The following GRB2 variants were observed in gnomAD, a reference collection of about 807,000 sequenced individuals.
GRB2 encodes growth factor receptor-bound protein 2.
GRB2 carries 2 observed loss-of-function variants against 27.4 expected under a neutral mutation model. That is an observed-to-expected ratio of 0.07 (90% CI 0.03 to 0.23). GRB2 has a LOEUF of 0.23. GRB2 is among the 10% of genes least tolerant of loss of function. The pLI, the probability that GRB2 is intolerant of heterozygous loss-of-function variation, is 1.00. For missense variants in GRB2, 102 were observed against 282.4 expected, an observed-to-expected ratio of 0.36 and a Z score of 4.58; for synonymous variants, 94 against 99.6, an observed-to-expected ratio of 0.94 and a Z score of 0.33.
intron 1 of GRB2, among the ~76,000 whole-genome samples, chr17:75,402,671 T>C (rs2079071034): frequency 6.6e-6 from 1 of 152,196 alleles, no homozygotes; most frequent in Non-Finnish European, 1.5e-5. Context: ...CTCCCAGTGA[T>C]TTTTATGGAT....
chr17:75,377,148 A>T (rs1827391728), intron 2 of GRB2, among the ~76,000 whole-genome samples: 1 of 151,884 alleles, frequency 6.6e-6, no homozygotes, highest in Non-Finnish European at 1.5e-5. Context: ...AAAAAAAAAT[A>T]TTAAAAGTTA....
chr17:75,402,999 C>T (rs2079073090), intron 1 of GRB2, among the ~76,000 whole-genome samples: 2 of 129,464 alleles, frequency 1.5e-5, no homozygotes, highest in African/African-American at 5.8e-5. Flanking sequence ...TGCCCGAACC[C>T]AGGAGGTGGA....
chr17:75,365,278 A>AG (rs2078811875), intron 2 of GRB2, among the ~76,000 whole-genome samples: 1 of 152,148 alleles, frequency 6.6e-6, no homozygotes, highest in African/African-American at 2.4e-5. Flanking sequence ...TAGATCTCCT[A>AG]CGGTTAACTT....
intron 2 of GRB2, among the ~76,000 whole-genome samples, chr17:75,340,535 C>A (rs1446920034): frequency 1.3e-5 from 2 of 152,172 alleles, no homozygotes; most frequent in Non-Finnish European, 2.9e-5. Flanking sequence ...TGCATGCATG[C>A]TTTTAAAAGA....
intron 1 of GRB2, among the ~76,000 whole-genome samples, chr17:75,399,255 G>C (rs1271011796): frequency 2.0e-5 from 3 of 150,870 alleles, no homozygotes; most frequent in African/African-American, 7.3e-5. Context: ...GACTCACCAT[G>C]TTGCCCAAGC....
Position 75,318,726 on chromosome 17 carries a change from C to T in GRB2, c.*1642G>A, listed in dbSNP as rs2078433951. 6.6e-6 allele frequency: 1 copy of T among 152,170 alleles called. No homozygotes were observed. The highest frequency in any genetic ancestry group is 2.1e-4 in the South Asian group (1 of 4,826). The allele number at this position is 152,170 out of a possible 1,614,324, so 9.4% of individuals were successfully genotyped here. Reference sequence around the variant, plus strand: ...GGGAAGGGAGGCACAAGCAGCACTCCAGCTTCCCAGTGCTGCCCTCACACT... The same window carrying T: ...GGGAAGGGAGGCACAAGCAGCACTCTAGCTTCCCAGTGCTGCCCTCACACT... On this transcript the variant is annotated 3_prime_UTR_variant, in exon 6 of 6. Coordinates refer to ENST00000316804, the MANE Select transcript of GRB2 (RefSeq NM_002086.5).
At chr17:75,324,086 A>T (rs906547010) in intron 4 of GRB2, among the ~76,000 whole-genome samples, 1 of 152,076 alleles carries the variant, frequency 6.6e-6, no homozygotes, top group African/African-American at 2.4e-5. Flanking sequence ...CTGGGATTAC[A>T]GGCATGAGCC....
Position 75,320,100 on chromosome 17 carries a change from GA to G in GRB2, c.*267del, listed in dbSNP as rs940061455. 63 of 375,900 alleles carry G rather than the reference GA, an allele frequency of 1.7e-4. No homozygotes were observed. The highest frequency in any genetic ancestry group is 8.3e-4 in the Middle Eastern group (1 of 1,206). The allele number at this position is 375,900 out of a possible 1,614,324, so 23.3% of individuals were successfully genotyped here. A position where few individuals can be genotyped will look rare whatever the true frequency, so the allele number is the denominator to read the frequency against. On this transcript the variant is annotated 3_prime_UTR_variant, in exon 6 of 6. Transcript: ENST00000316804. This position sits in a 1 kb window ranked among gnomAD's most constrained non-coding sequence, Gnocchi z 4.3. ...TGATGGACAGAAGAGAAAAAAGGATGAAAAAAAAGACAAAGGAGGGGAAAGA... is the reference window on the plus strand; with the variant it reads ...TGATGGACAGAAGAGAAAAAAGGATGAAAAAAAGACAAAGGAGGGGAAAGA...
At chr17:75,346,750 T>C (rs1042938689) in intron 2 of GRB2, among the ~76,000 whole-genome samples, 3 of 151,904 alleles carry the variant, frequency 2.0e-5, no homozygotes, top group African/African-American at 4.8e-5. Context: ...TTGTATTTTT[T>C]AGTAGAGACG....
chr17:75,359,729 G>A (rs1409865183), intron 2 of GRB2, among the ~76,000 whole-genome samples: 1 of 152,000 alleles, frequency 6.6e-6, no homozygotes, highest in African/African-American at 2.4e-5. Context: ...TTTCACACTT[G>A]TATATGTTGT....
At chr17:75,345,501 T>C (rs1265658824) in intron 2 of GRB2, among the ~76,000 whole-genome samples, 1 of 152,148 alleles carries the variant, frequency 6.6e-6, no homozygotes, top group East Asian at 1.9e-4. Flanking sequence ...TTCACCAACG[T>C]GTGCATAAGG....
intron 2 of GRB2, among the ~76,000 whole-genome samples, chr17:75,382,912 T>C (rs986006194): frequency 2.6e-5 from 4 of 152,152 alleles, no homozygotes; most frequent in African/African-American, 9.7e-5. Context: ...GTTATCACCA[T>C]GTTAGCCAGG....
chr17:75,357,881 A>AC (rs1317345438), intron 2 of GRB2, among the ~76,000 whole-genome samples: 1 of 152,070 alleles, frequency 6.6e-6, no homozygotes, highest in Non-Finnish European at 1.5e-5. Context: ...AGATCGCGCC[A>AC]CTGCACTCCT....
At chr17:75,326,918 CTTTAG>C (rs140180891) in intron 3 of GRB2, among the ~76,000 whole-genome samples, 296 of 152,218 alleles carry the variant, frequency 1.9e-3, no homozygotes, top group African/African-American at 6.8e-3. Flanking sequence ...TCAAAATTGT[CTTTAG>C]TTATCATTTT....
chr17:75,378,559 T>G (rs4789181), intron 2 of GRB2, among the ~76,000 whole-genome samples: 1 of 152,032 alleles, frequency 6.6e-6, no homozygotes, highest in Admixed American at 6.5e-5. Context: ...CACATGAACG[T>G]ACAACACTAA....
chr17:75,341,628 T>A (rs2078622252), intron 2 of GRB2, among the ~76,000 whole-genome samples: 1 of 151,900 alleles, frequency 6.6e-6, no homozygotes, highest in Non-Finnish European at 1.5e-5. Context: ...GAGGACAAAG[T>A]CCCCAAACTC....
intron 2 of GRB2, among the ~76,000 whole-genome samples, chr17:75,342,277 C>T (rs568006455): frequency 1.4e-4 from 21 of 152,240 alleles, no homozygotes; most frequent in Non-Finnish European, 2.6e-4. Flanking sequence ...GGCTCCATAC[C>T]CAGTTCTCAT....
intron 2 of GRB2, among the ~76,000 whole-genome samples, chr17:75,334,430 C>G (rs542391875): frequency 1.3e-5 from 2 of 152,206 alleles, no homozygotes; most frequent in African/African-American, 4.8e-5. Flanking sequence ...CTCGGCCTCC[C>G]AAAGTGCTGG....
intron 2 of GRB2, among the ~76,000 whole-genome samples, chr17:75,364,261 G>GGCTTCACCA (rs2078805257): frequency 6.6e-6 from 1 of 152,190 alleles, no homozygotes; most frequent in Non-Finnish European, 1.5e-5. Flanking sequence ...CTTCACAGTA[G>GGCTTCACCA]TGGCTGTGGT....
Sources: allele counts gnomAD v4.1 joint callset (sites outside exome capture counted in the v4.1 genomes callset), GRCh38; gene constraint gnomAD v4.1.1; non-coding constraint Gnocchi (gnomAD v3.1); transcripts MANE v1.5; gene names NCBI Gene and HGNC (gene_info 2026-07-23, HGNC 2026-07-21).